Variants in PGBD5 observed in about 807,000 individuals in gnomAD.
The protein encoded by PGBD5 is piggyBac transposable element-derived protein 5.
PGBD5 carries 14 observed loss-of-function variants against 47.9 expected under a neutral mutation model. The ratio of observed to expected loss-of-function variants is 0.29; its 90% confidence interval spans 0.19 to 0.46. The LOEUF is 0.46. PGBD5 is among the 20% of genes least tolerant of loss of function. PGBD5 has a pLI of 1.00. For missense variants in PGBD5, 635 were observed against 716.0 expected, an observed-to-expected ratio of 0.89 and a Z score of 1.29; for synonymous variants, 316 against 306.3, an observed-to-expected ratio of 1.03 and a Z score of -0.33.
chr1:230,386,419 C>T (rs1656639592), intron 1 of PGBD5, among the ~76,000 whole-genome samples: 1 of 152,002 alleles, frequency 6.6e-6, no homozygotes, highest in African/African-American at 2.4e-5. Context: ...TATTCTTATA[C>T]CAAATGTCTC....
intron 3 of PGBD5, among the ~76,000 whole-genome samples, chr1:230,342,384 C>A (rs1045159980): frequency 6.6e-6 from 1 of 152,190 alleles, no homozygotes; most frequent in Admixed American, 6.5e-5. Context: ...ATCGTAGGGA[C>A]TGGTGATCCT....
At chr1:230,335,090 TAC>T (rs1558192191) in intron 4 of PGBD5, among the ~76,000 whole-genome samples, 3 of 119,270 alleles carry the variant, frequency 2.5e-5, no homozygotes, top group South Asian at 5.6e-4. Flanking sequence ...CACACACAGG[TAC>T]ACACACAGAC....
At chr1:230,342,047 C>T (rs1667414188) in intron 3 of PGBD5, among the ~76,000 whole-genome samples, 1 of 152,106 alleles carries the variant, frequency 6.6e-6, no homozygotes, top group African/African-American at 2.4e-5. Context: ...GCAGTTAATA[C>T]CCTGGGGGAC....
At chr1:230,401,003 T>C (rs73102042) in intron 1 of PGBD5, among the ~76,000 whole-genome samples, 12,655 of 152,264 alleles carry the variant, frequency 0.083, 1,123 homozygotes, top group African/African-American at 0.22. Context: ...CATGAGATTG[T>C]ATCACCACCC....
At chr1:230,352,162 T>C (rs1667569252) in intron 2 of PGBD5, among the ~76,000 whole-genome samples, 1 of 152,238 alleles carries the variant, frequency 6.6e-6, no homozygotes, top group Non-Finnish European at 1.5e-5. Flanking sequence ...AAAGTTTTAT[T>C]GGAACACTGC....
In PGBD5 at chr1:230,325,378, G is replaced by A. The variant is rs1667099222; in HGVS notation, c.1311C>T (p.Cys437=). 2.2e-5 allele frequency: 35 copies of A among 1,613,756 alleles called. No individual in the cohort carries two copies. The highest frequency in any genetic ancestry group is 3.0e-5 in the Non-Finnish European group (35 of 1,179,834). Residue 437 remains cysteine (C), a synonymous_variant, in exon 6 of 7, where the codon TGC becomes TGT. Coordinates refer to ENST00000391860, the MANE Select transcript of PGBD5 (RefSeq NM_001258311.2). ...CGGCAAACGCCTCCACGGCCAAGGGGCATGGGATCTCCCCACTCTTCCTTT... is the reference window on the plus strand; with the variant it reads ...CGGCAAACGCCTCCACGGCCAAGGGACATGGGATCTCCCCACTCTTCCTTT... ...IIKRKSGEIP[C]PLAVEAFAAH... is the part of the protein sequence containing the mutation.
At chr1:230,344,056 C>T (rs368688093) in intron 3 of PGBD5, among the ~76,000 whole-genome samples, 7 of 152,262 alleles carry the variant, frequency 4.6e-5, no homozygotes, top group African/African-American at 1.4e-4. Flanking sequence ...GAGGCCGAGG[C>T]GGGCAGACCA....
At chr1:230,337,061 C>G (rs778156466) in intron 4 of PGBD5, 47 bp downstream of exon 4, 1 of 1,587,940 alleles carries the variant, frequency 6.3e-7, no homozygotes, top group South Asian at 1.1e-5. Context: ...CACCACTTTC[C>G]CAGGGGAGGC....
chr1:230,376,838 G>C (rs1262848061), intron 1 of PGBD5, among the ~76,000 whole-genome samples: 2 of 152,160 alleles, frequency 1.3e-5, no homozygotes, highest in African/African-American at 2.4e-5. Context: ...CAATAAGCAG[G>C]TCCTAACTTC....
intron 1 of PGBD5, chr1:230,362,192 G>A (rs1438710894): frequency 1.5e-6 from 2 of 1,301,432 alleles, no homozygotes; most frequent in African/African-American, 1.5e-5. Flanking sequence ...CTGCACGAGA[G>A]GGTGGGGGAG....
intron 1 of PGBD5, among the ~76,000 whole-genome samples, chr1:230,396,035 TTCCGTCTTCCCTTTGCTTCCCTCTTTCC>T (rs1330931650): frequency 4.2e-5 from 6 of 143,980 alleles, no homozygotes; most frequent in African/African-American, 1.6e-4. Flanking sequence ...GCTCCCTTGC[TTCCGTCTTCCCTTTGCTTCCCTCTTTCC>T]TCCATCTTCC....
intron 3 of PGBD5, among the ~76,000 whole-genome samples, chr1:230,341,023 C>T (rs189769331): frequency 6.6e-6 from 1 of 152,174 alleles, no homozygotes; most frequent in East Asian, 1.9e-4. Context: ...GGCACTGAGC[C>T]GAAGGTCAAA....
At chr1:230,405,125 G>A (rs1380743499) in intron 1 of PGBD5, among the ~76,000 whole-genome samples, 1 of 151,390 alleles carries the variant, frequency 6.6e-6, no homozygotes, top group Non-Finnish European at 1.5e-5. Flanking sequence ...AACCTGGGAG[G>A]CGGAGCTTGC....
chr1:230,316,058 G>T lies in PGBD5; in HGVS notation c.*7367C>A, dbSNP rs200398407. Reference sequence around the variant, plus strand: ...CATAAGTATATGTGTACACATATATGTATGTGTATACATACATGTTTATGT... The same window carrying T: ...CATAAGTATATGTGTACACATATATTTATGTGTATACATACATGTTTATGT... On this transcript the variant is annotated 3_prime_UTR_variant, in exon 7 of 7. Transcript: ENST00000391860. 3.6e-4 allele frequency: 44 copies of T among 122,284 alleles called. No homozygotes were observed. The highest frequency in any genetic ancestry group is 1.5e-3 in the East Asian group (4 of 2,628). 7.6% of individuals were successfully genotyped at this position (122,284 alleles called of 1,614,324 possible). A position where few individuals can be genotyped will look rare whatever the true frequency, so the allele number is the denominator to read the frequency against.
At chr1:230,381,130 G>T (rs931459181) in intron 1 of PGBD5, among the ~76,000 whole-genome samples, 1 of 152,226 alleles carries the variant, frequency 6.6e-6, no homozygotes, top group African/African-American at 2.4e-5. Context: ...TTTTGCCCAT[G>T]TTATAGATAA....
At chr1:230,392,592 C>G in intron 1 of PGBD5, among the ~76,000 whole-genome samples, 1 of 152,186 alleles carries the variant, frequency 6.6e-6, no homozygotes, top group Non-Finnish European at 1.5e-5. Context: ...CTGCCTCCTC[C>G]GGACTCTCCT....
At chr1:230,335,780 C>CAA (rs1558192763) in intron 4 of PGBD5, among the ~76,000 whole-genome samples, 49 of 434 alleles carry the variant, frequency 0.11, no homozygotes, top group South Asian at 0.38. Flanking sequence ...GACAGACACA[C>CAA]ACACACACAC....
rs553703727 is a variant in PGBD5 at position 230,315,636 on chromosome 1, G to C, written c.*7789C>G. 1 of 152,060 alleles carries C rather than the reference G, an allele frequency of 6.6e-6. No individual in the cohort carries two copies. The highest frequency in any genetic ancestry group is 1.9e-4 in the East Asian group (1 of 5,138). The allele number at this position is 152,060 out of a possible 1,614,324, so 9.4% of individuals were successfully genotyped here. On this transcript the variant is annotated 3_prime_UTR_variant, in exon 7 of 7. Transcript: ENST00000391860. ...TGGTTTGATTGCTAAGGACCTAGCA[G>C]AGGCTCATCATGTGGTAGACTCTGT...
intron 1 of PGBD5, among the ~76,000 whole-genome samples, chr1:230,384,705 A>C (rs1216540281): frequency 6.6e-6 from 1 of 152,240 alleles, no homozygotes; most frequent in African/African-American, 2.4e-5. Context: ...TTTGACTCTC[A>C]CGACACCACG....
Sources: gnomAD v4.1 joint callset for allele counts (sites outside exome capture counted in the v4.1 genomes callset) on GRCh38, gnomAD v4.1.1 for gene constraint, MANE v1.5 for transcripts, NCBI Gene and HGNC (gene_info 2026-07-23, HGNC 2026-07-21) for gene names.